The following PRKG1 variants were observed in gnomAD, a reference collection of about 807,000 sequenced individuals.
PRKG1 encodes cGMP-dependent protein kinase 1.
A neutral mutation model predicts 88.1 loss-of-function variants in PRKG1; 35 were observed. The observed-to-expected ratio is 0.40, with a 90% CI of 0.30 to 0.53. The LOEUF (loss-of-function observed/expected upper bound fraction) is 0.53. PRKG1 is among the 20% of genes least tolerant of loss of function. PRKG1 has a pLI of 0.59. For synonymous variants in PRKG1, 303 were observed against 292.5 expected (o/e 1.04, Z -0.37); for missense variants, 540 against 839.8 (o/e 0.64, Z 4.41).
chr10:51,303,296 A>G (rs550066370), intron 2 of PRKG1, among the ~76,000 whole-genome samples: 3 of 142,672 alleles, frequency 2.1e-5, no homozygotes, highest in African/African-American at 8.2e-5. Context: ...GAATAATACA[A>G]TATGTTTTAC....
At chr10:51,935,323 G>A (rs1248346106) in intron 5 of PRKG1, among the ~76,000 whole-genome samples, 1 of 151,920 alleles carries the variant, frequency 6.6e-6, no homozygotes, top group South Asian at 2.1e-4. Context: ...ATAACCTGTG[G>A]TTCTGTTAAC....
At chr10:52,068,372 A>G (rs1846411871) in intron 7 of PRKG1, among the ~76,000 whole-genome samples, 1 of 152,198 alleles carries the variant, frequency 6.6e-6, no homozygotes, top group African/African-American at 2.4e-5. Context: ...TTAAGCTCCC[A>G]GTAGCCACCT....
chr10:51,329,956 T>G (rs1841689807), intron 2 of PRKG1, among the ~76,000 whole-genome samples: 1 of 149,746 alleles, frequency 6.7e-6, no homozygotes, highest in Non-Finnish European at 1.5e-5. Flanking sequence ...GGATTAGATA[T>G]GATTGGAGAC....
In PRKG1 at chr10:51,062,231, C is replaced by T. The variant is rs547923360; in HGVS notation, c.266+70587C>T. ...GTTAAAGTTTAGCCTCTCTGGAATT[C>T]AACTGGTTGGGCCTGATTTCAGTTT... On this transcript the variant is annotated intron_variant, in intron 1 of 17. Coordinates refer to the PRKG1 transcript ENST00000401604. Among the ~76,000 whole-genome samples, 14 of 152,310 alleles carry T rather than the reference C, an allele frequency of 9.2e-5. No individual in the cohort carries two copies. In the East Asian group the frequency reaches 1.9e-3, roughly 21 times the overall value.
intron 3 of PRKG1, among the ~76,000 whole-genome samples, chr10:51,757,853 T>A (rs1035035289): frequency 6.6e-6 from 1 of 152,232 alleles, no homozygotes; most frequent in Non-Finnish European, 1.5e-5. Flanking sequence ...AACCTTTGGC[T>A]TATATTGTTT....
At chr10:52,067,837 G>T (rs1846391252) in intron 7 of PRKG1, among the ~76,000 whole-genome samples, 1 of 152,042 alleles carries the variant, frequency 6.6e-6, no homozygotes, top group African/African-American at 2.4e-5. Context: ...GTGTGTTTAA[G>T]AGCAATCACT....
intron 5 of PRKG1, among the ~76,000 whole-genome samples, chr10:52,018,701 CCG>C (rs1564432018): frequency 1.5e-4 from 23 of 152,022 alleles, no homozygotes; most frequent in East Asian, 9.6e-4. Context: ...AATAATTGTA[CCG>C]AGCAGAGTAA....
intron 2 of PRKG1, among the ~76,000 whole-genome samples, chr10:51,203,492 A>G (rs913021651): frequency 1.3e-5 from 2 of 152,188 alleles, no homozygotes; most frequent in African/African-American, 2.4e-5. Flanking sequence ...ACTAAAAACC[A>G]AGAGGAAATG....
chr10:51,878,086 A>G (rs1841343532), intron 4 of PRKG1, among the ~76,000 whole-genome samples: 1 of 152,220 alleles, frequency 6.6e-6, no homozygotes, highest in Admixed American at 6.5e-5. Flanking sequence ...TTTTTAAAAA[A>G]TATTTTTAAC....
At chr10:52,286,724 TCA>T (rs1164733694) in intron 14 of PRKG1, among the ~76,000 whole-genome samples, 1 of 151,932 alleles carries the variant, frequency 6.6e-6, no homozygotes, top group Admixed American at 6.6e-5. Flanking sequence ...ATCTCTAAAT[TCA>T]GTTTGATTTT....
intron 2 of PRKG1, chr10:51,245,889 T>C (rs1369877261): frequency 6.6e-6 from 1 of 151,890 alleles, no homozygotes; most frequent in Non-Finnish European, 1.5e-5. Flanking sequence ...TACTAGAGAG[T>C]AGGAAGCTTG....
chr10:52,217,634 T>C (rs1407344389), intron 9 of PRKG1, among the ~76,000 whole-genome samples: 1 of 152,096 alleles, frequency 6.6e-6, no homozygotes, highest in Non-Finnish European at 1.5e-5. Flanking sequence ...TTAAACAATA[T>C]ACAATGGGTT....
intron 1 of PRKG1, among the ~76,000 whole-genome samples, chr10:51,005,551 A>G (rs527684433): frequency 4.6e-5 from 7 of 152,360 alleles, no homozygotes; most frequent in African/African-American, 1.7e-4. Context: ...TTATTACCAT[A>G]TTAATAACAT....
At chr10:51,985,371 G>A (rs1005762094) in intron 5 of PRKG1, among the ~76,000 whole-genome samples, 1 of 152,102 alleles carries the variant, frequency 6.6e-6, no homozygotes, top group African/African-American at 2.4e-5. Context: ...AATCTTTAGT[G>A]TTCATAGTCT....
At chr10:51,321,747 C>T (rs1297105412) in intron 2 of PRKG1, among the ~76,000 whole-genome samples, 1 of 152,080 alleles carries the variant, frequency 6.6e-6, no homozygotes, top group Non-Finnish European at 1.5e-5. Context: ...TTTAAAATGA[C>T]TAAAAGAGTA....
At chr10:51,932,251 T>C (rs1842709767) in intron 5 of PRKG1, among the ~76,000 whole-genome samples, 1 of 151,930 alleles carries the variant, frequency 6.6e-6, no homozygotes, top group South Asian at 2.1e-4. Flanking sequence ...AATAAAATCA[T>C]TTCCATAGTT....
chr10:52,276,218 TG>T (rs1841870941), intron 12 of PRKG1, among the ~76,000 whole-genome samples: 1 of 152,174 alleles, frequency 6.6e-6, no homozygotes, highest in African/African-American at 2.4e-5. Flanking sequence ...CTTCCAGTAC[TG>T]CGTTGAAGAG....
intron 1 of PRKG1, among the ~76,000 whole-genome samples, chr10:51,016,448 C>T (rs556262578): frequency 2.6e-5 from 4 of 152,048 alleles, no homozygotes; most frequent in Non-Finnish European, 5.9e-5. Context: ...TTAACTAAAG[C>T]ATCATTTCAG....
At chr10:51,205,235 G>T (rs1589242367) in intron 2 of PRKG1, among the ~76,000 whole-genome samples, 1 of 144,044 alleles carries the variant, frequency 6.9e-6, no homozygotes, top group African/African-American at 2.6e-5. Context: ...TGCCTCCCAG[G>T]TTCAAGCAAT....
Sources: gnomAD v4.1 joint callset for allele counts (sites outside exome capture counted in the v4.1 genomes callset) on GRCh38, gnomAD v4.1.1 for gene constraint, MANE v1.5 for transcripts, NCBI Gene and HGNC (gene_info 2026-07-23, HGNC 2026-07-21) for gene names.